Variants in SIPA1L1 observed in about 807,000 individuals in gnomAD.
SIPA1L1 encodes the protein signal-induced proliferation-associated 1-like protein 1.
In SIPA1L1, 26 loss-of-function variants were observed where a neutral mutation model predicts 162.7. The observed-to-expected ratio is 0.16, with a 90% confidence interval of 0.12 to 0.22. The LOEUF is 0.22. Ranked by LOEUF, SIPA1L1 falls within the 10% of genes least tolerant of loss-of-function variation. SIPA1L1 has a pLI of 1.00. For missense variants in SIPA1L1, 1,874 were observed against 2,241.0 expected (o/e 0.84, Z 3.31); for synonymous variants, 829 against 837.4 (o/e 0.99, Z 0.17).
intron 2 of SIPA1L1, among the ~76,000 whole-genome samples, chr14:71,457,584 A>T (rs1420400246): frequency 4.0e-5 from 6 of 151,318 alleles, no homozygotes; most frequent in African/African-American, 1.5e-4. Context: ...GGCGTGAGTT[A>T]CCATGCCCAG....
intron 4 of SIPA1L1, among the ~76,000 whole-genome samples, chr14:71,557,961 T>C: frequency 6.6e-6 from 1 of 152,212 alleles, no homozygotes; most frequent in East Asian, 1.9e-4. Context: ...AAGTGTTGGT[T>C]TGTGATACTT....
chr14:71,459,568 T>C (rs1468678422), intron 2 of SIPA1L1, among the ~76,000 whole-genome samples: 1 of 151,802 alleles, frequency 6.6e-6, no homozygotes, highest in Non-Finnish European at 1.5e-5. Context: ...CCAGTCCGAG[T>C]CTCAAAACTG....
chr14:71,425,284 G>A (rs2043482029), intron 2 of SIPA1L1, among the ~76,000 whole-genome samples: 1 of 151,862 alleles, frequency 6.6e-6, no homozygotes, highest in Non-Finnish European at 1.5e-5. Flanking sequence ...TGTGAGCTTT[G>A]GGTTTAGTTT....
At chr14:71,494,523 CTT>C (rs201797447) in intron 2 of SIPA1L1, among the ~76,000 whole-genome samples, 23 of 126,686 alleles carry the variant, frequency 1.8e-4, no homozygotes, top group Admixed American at 2.4e-4. Context: ...CTTTTCTTTT[CTT>C]TTTTTTTTTT....
intron 2 of SIPA1L1, among the ~76,000 whole-genome samples, chr14:71,331,960 C>A (rs922173653): frequency 6.6e-6 from 1 of 152,258 alleles, no homozygotes; most frequent in Admixed American, 6.5e-5. Flanking sequence ...GCTATAGGAA[C>A]AAATTTCGGC....
intron 2 of SIPA1L1, among the ~76,000 whole-genome samples, chr14:71,448,177 T>C (rs1172195783): frequency 6.6e-6 from 1 of 152,210 alleles, no homozygotes; most frequent in Non-Finnish European, 1.5e-5. Context: ...TTCTTTCTCT[T>C]AGTTCTCTTT....
chr14:71,354,578 G>C (rs2037058313), intron 2 of SIPA1L1, among the ~76,000 whole-genome samples: 3 of 150,338 alleles, frequency 2.0e-5, no homozygotes, highest in African/African-American at 7.4e-5. Flanking sequence ...CGCCTGGCCC[G>C]ATACTTCATT....
At chr14:71,595,295 A>T (rs2035903058) in intron 5 of SIPA1L1, among the ~76,000 whole-genome samples, 1 of 152,272 alleles carries the variant, frequency 6.6e-6, no homozygotes, top group Admixed American at 6.5e-5. Context: ...GTCATTCATC[A>T]GCCCCTTTAG....
intron 5 of SIPA1L1, among the ~76,000 whole-genome samples, chr14:71,613,513 G>T (rs921669321): frequency 6.6e-6 from 1 of 152,078 alleles, no homozygotes; most frequent in Non-Finnish European, 1.5e-5. Context: ...ATTTCTGGTG[G>T]TTTAATACCT....
chr14:71,484,761 TGTTA>T (rs373672171), intron 2 of SIPA1L1, among the ~76,000 whole-genome samples: 1 of 152,238 alleles, frequency 6.6e-6, no homozygotes, highest in African/African-American at 2.4e-5. Context: ...GTAGGCTTAT[TGTTA>T]GTTTGGCAAC....
chr14:71,501,765 G>A (rs1381321680), intron 2 of SIPA1L1, among the ~76,000 whole-genome samples: 1 of 152,184 alleles, frequency 6.6e-6, no homozygotes, highest in African/African-American at 2.4e-5. Flanking sequence ...CCTCATGCCT[G>A]TAATCCCAGC....
chr14:71,393,397 C>T (rs999787757), intron 2 of SIPA1L1, among the ~76,000 whole-genome samples: 25 of 152,146 alleles, frequency 1.6e-4, no homozygotes, highest in Non-Finnish European at 2.9e-4. Context: ...ATTGGGTGTA[C>T]ACTATGGACA....
At chr14:71,570,021 A>G (rs1014154534) in intron 4 of SIPA1L1, among the ~76,000 whole-genome samples, 1 of 152,088 alleles carries the variant, frequency 6.6e-6, no homozygotes, top group African/African-American at 2.4e-5. Context: ...TCTACTATGG[A>G]AGGCAGATTT....
At chr14:71,494,010 G>T (rs2049510873) in intron 2 of SIPA1L1, among the ~76,000 whole-genome samples, 1 of 152,190 alleles carries the variant, frequency 6.6e-6, no homozygotes, top group Non-Finnish European at 1.5e-5. Context: ...CTCTGATTGG[G>T]TAGTGCTTGT....
chr14:71,397,774 T>C (rs1052375035), intron 2 of SIPA1L1, among the ~76,000 whole-genome samples: 1 of 152,186 alleles, frequency 6.6e-6, no homozygotes, highest in Non-Finnish European at 1.5e-5. Context: ...GTTAGTATTA[T>C]TTGCCAAGTA....
chr14:71,636,297 A>G (rs1006665102), intron 7 of SIPA1L1, among the ~76,000 whole-genome samples: 1 of 152,216 alleles, frequency 6.6e-6, no homozygotes, highest in Non-Finnish European at 1.5e-5. Flanking sequence ...ATCCTGTCCC[A>G]TGAAATAAAC....
chr14:71,505,276 T>A (rs978758211), intron 2 of SIPA1L1, among the ~76,000 whole-genome samples: 1 of 152,144 alleles, frequency 6.6e-6, no homozygotes, highest in Non-Finnish European at 1.5e-5. Context: ...AAGATCTGTG[T>A]CTCTACCATT....
chr14:71,616,446 G>A (rs186273051), intron 5 of SIPA1L1, among the ~76,000 whole-genome samples: 1 of 152,246 alleles, frequency 6.6e-6, no homozygotes, highest in Non-Finnish European at 1.5e-5. Flanking sequence ...CTGACAGGTC[G>A]TAAGGAGTTG....
chr14:71,496,254 C>G (rs760905724), intron 2 of SIPA1L1, among the ~76,000 whole-genome samples: 3 of 152,004 alleles, frequency 2.0e-5, no homozygotes, highest in Non-Finnish European at 4.4e-5. Context: ...GGATCACTTG[C>G]ACCAAGGAGT....
Sources: gnomAD v4.1 joint callset for allele counts (sites outside exome capture counted in the v4.1 genomes callset) on GRCh38, gnomAD v4.1.1 for gene constraint, MANE v1.5 for transcripts, NCBI Gene and HGNC (gene_info 2026-07-23, HGNC 2026-07-21) for gene names.